Variants in HPSE2 observed in about 807,000 individuals in gnomAD.
The protein encoded by HPSE2 is heparanase 2 (inactive), also known as inactive heparanase-2.
A neutral mutation model predicts 60.5 loss-of-function variants in HPSE2; 38 were observed. The observed-to-expected ratio is 0.63, with a 90% confidence interval of 0.48 to 0.82. The LOEUF (loss-of-function observed/expected upper bound fraction) is 0.82, where lower values mean the gene tolerates loss of function less well. Among genes scored for constraint, HPSE2 ranks in the 40% least tolerant of loss-of-function variants. The pLI is 0.00. For missense variants in HPSE2, 713 were observed against 740.4 expected (o/e 0.96, Z 0.43); for synonymous variants, 295 against 293.2 (o/e 1.01, Z -0.06).
intron 3 of HPSE2, among the ~76,000 whole-genome samples, chr10:98,757,240 A>C (rs1208963162): frequency 6.6e-6 from 1 of 152,174 alleles, no homozygotes; most frequent in Admixed American, 6.5e-5. Flanking sequence ...AATGGACAAA[A>C]GCTAGAAGCA....
intron 3 of HPSE2, among the ~76,000 whole-genome samples, chr10:99,045,447 A>C (rs1173395918): frequency 6.6e-6 from 1 of 152,124 alleles, no homozygotes; most frequent in Non-Finnish European, 1.5e-5. Flanking sequence ...AAAAAGAACA[A>C]ACCAACCCTA....
At chr10:99,035,460 C>A (rs1297573737) in intron 3 of HPSE2, among the ~76,000 whole-genome samples, 4 of 152,156 alleles carry the variant, frequency 2.6e-5, no homozygotes, top group African/African-American at 9.7e-5. Context: ...GGAATACCTT[C>A]TGGAGGACCT....
chr10:98,895,182 C>T (rs1283199149), intron 3 of HPSE2, among the ~76,000 whole-genome samples: 1 of 151,894 alleles, frequency 6.6e-6, no homozygotes, highest in Non-Finnish European at 1.5e-5. Context: ...TAGAAAAACC[C>T]ATACGTATAG....
chr10:98,535,325 T>C (rs770611394), intron 9 of HPSE2, among the ~76,000 whole-genome samples: 3 of 147,238 alleles, frequency 2.0e-5, no homozygotes, highest in African/African-American at 7.7e-5. Context: ...TTTTTGTTTG[T>C]TTTTTTTTTA....
intron 3 of HPSE2, among the ~76,000 whole-genome samples, chr10:98,823,701 A>G (rs115137120): frequency 0.027 from 4,172 of 152,296 alleles, 187 homozygotes; most frequent in African/African-American, 0.094. Flanking sequence ...ATAATTCTAA[A>G]TTTTCATGTC....
chr10:99,265,194 G>T, the HPSE2 span, among the ~76,000 whole-genome samples: 1 of 152,202 alleles, frequency 6.6e-6, no homozygotes, highest in Non-Finnish European at 1.5e-5. Flanking sequence ...AAGGTACTTT[G>T]TAATATTCTC....
At chr10:99,238,161 TTCC>T (rs1849902274), upstream of HPSE2, among the ~76,000 whole-genome samples, 1 of 152,242 alleles carries the variant, frequency 6.6e-6, no homozygotes, top group African/African-American at 2.4e-5. Flanking sequence ...GAGCCAGATT[TTCC>T]AAGGGCCTAA....
intron 9 of HPSE2, among the ~76,000 whole-genome samples, chr10:98,517,501 C>T (rs1218337280): frequency 6.6e-6 from 1 of 152,172 alleles, no homozygotes; most frequent in African/African-American, 2.4e-5. Flanking sequence ...TGTTTATTTA[C>T]CTGGAGTGGA....
chr10:98,874,183 T>C (rs1052356152), intron 3 of HPSE2, among the ~76,000 whole-genome samples: 8 of 151,996 alleles, frequency 5.3e-5, no homozygotes, highest in Non-Finnish European at 1.2e-4. Flanking sequence ...TTTTTTTTTT[T>C]TCTGCTGTGC....
intron 3 of HPSE2, among the ~76,000 whole-genome samples, chr10:99,094,742 A>G (rs1843661310): frequency 1.3e-5 from 2 of 150,488 alleles, no homozygotes; most frequent in African/African-American, 4.9e-5. Flanking sequence ...TTTTTAGTAG[A>G]GGCAGGGTTT....
chr10:99,099,991 T>C (rs944400363), intron 3 of HPSE2, among the ~76,000 whole-genome samples: 1 of 152,114 alleles, frequency 6.6e-6, no homozygotes, highest in African/African-American at 2.4e-5. Flanking sequence ...ACCCCATCTG[T>C]ATGTCACCAT....
chr10:99,012,528 G>T (rs1957042164), intron 3 of HPSE2, among the ~76,000 whole-genome samples: 1 of 151,944 alleles, frequency 6.6e-6, no homozygotes, highest in Non-Finnish European at 1.5e-5. Context: ...TAACACCAAT[G>T]CCAGTACTTA....
intron 3 of HPSE2, among the ~76,000 whole-genome samples, chr10:98,985,078 T>C (rs959925373): frequency 2.0e-5 from 3 of 152,240 alleles, no homozygotes; most frequent in South Asian, 4.2e-4. Context: ...CAGGATATTA[T>C]CCAGGAGAAT....
intron 9 of HPSE2, among the ~76,000 whole-genome samples, chr10:98,599,401 C>T (rs1009166124): frequency 7.9e-5 from 12 of 152,198 alleles, no homozygotes; most frequent in African/African-American, 2.9e-4. Flanking sequence ...CCTGACCTGG[C>T]CCTTCAGGGT....
intron 11 of HPSE2, among the ~76,000 whole-genome samples, chr10:98,476,700 GA>G (rs1441930487): frequency 1.3e-5 from 2 of 151,968 alleles, no homozygotes; most frequent in African/African-American, 4.8e-5. Context: ...TGAGATGGGA[GA>G]ATAGCTTGAA....
intron 3 of HPSE2, among the ~76,000 whole-genome samples, chr10:98,980,883 T>C (rs536165790): frequency 3.4e-4 from 52 of 152,276 alleles, no homozygotes; most frequent in African/African-American, 1.2e-3. Flanking sequence ...GTATTTTGGT[T>C]GCCAAATCAA....
chr10:98,604,547 G>C (rs1357615005), intron 9 of HPSE2, among the ~76,000 whole-genome samples: 1 of 151,946 alleles, frequency 6.6e-6, no homozygotes, highest in East Asian at 1.9e-4. Context: ...GAAAGAGAAA[G>C]GAATCGAAGA....
At chr10:98,826,590 G>A (rs1951553445) in intron 3 of HPSE2, among the ~76,000 whole-genome samples, 1 of 152,158 alleles carries the variant, frequency 6.6e-6, no homozygotes, top group Non-Finnish European at 1.5e-5. Flanking sequence ...TACAAAACTG[G>A]CAGCTTCCTC....
intron 3 of HPSE2, among the ~76,000 whole-genome samples, chr10:98,834,018 G>A (rs752371365): frequency 6.6e-6 from 1 of 152,014 alleles, no homozygotes; most frequent in Non-Finnish European, 1.5e-5. Context: ...CCTTTAAAAT[G>A]CTACTGATTG....
Sources: allele counts gnomAD v4.1 joint callset (sites outside exome capture counted in the v4.1 genomes callset), GRCh38; gene constraint gnomAD v4.1.1; transcripts MANE v1.5; gene names NCBI Gene and HGNC (gene_info 2026-07-23, HGNC 2026-07-21).